INPP4B: variants seen among roughly 807,000 people sequenced by gnomAD.
INPP4B encodes the protein inositol polyphosphate 4-phosphatase type II.
A neutral mutation model predicts 122.5 loss-of-function variants in INPP4B; 55 were observed. The observed-to-expected ratio is 0.45, with a 90% CI of 0.36 to 0.56. The LOEUF (loss-of-function observed/expected upper bound fraction) is 0.56. Among genes scored for constraint, INPP4B ranks in the 20% least tolerant of loss-of-function variants. The pLI, the probability that INPP4B is intolerant of heterozygous loss-of-function variation, is 0.00. For synonymous variants in INPP4B, 403 were observed against 388.7 expected (o/e 1.04, Z -0.43); for missense variants, 1,000 against 1,097.7 (o/e 0.91, Z 1.26).
chr4:142,108,722 T>C (rs1788468386), intron 22 of INPP4B, among the ~76,000 whole-genome samples: 1 of 152,102 alleles, frequency 6.6e-6, no homozygotes, highest in African/African-American at 2.4e-5. Context: ...TTTTTTTCGT[T>C]CATACCATGA....
intron 14 of INPP4B, among the ~76,000 whole-genome samples, chr4:142,206,147 A>C (rs1189706297): frequency 2.0e-5 from 3 of 152,144 alleles, no homozygotes; most frequent in South Asian, 2.1e-4. Flanking sequence ...AGAGCTAAAG[A>C]GGGTAAACTT....
intron 2 of INPP4B, among the ~76,000 whole-genome samples, chr4:142,527,387 AT>A (rs1337029885): frequency 3.9e-5 from 6 of 152,074 alleles, no homozygotes; most frequent in African/African-American, 1.2e-4. Context: ...CCAAAAACAT[AT>A]TTACAATATA....
intron 2 of INPP4B, among the ~76,000 whole-genome samples, chr4:142,476,696 CA>C (rs1819828361): frequency 1.3e-5 from 2 of 152,008 alleles, no homozygotes; most frequent in South Asian, 4.1e-4. Flanking sequence ...AAACAGTGAT[CA>C]AAAATGACAA....
chr4:142,359,016 G>A (rs763499310), intron 7 of INPP4B, among the ~76,000 whole-genome samples: 26 of 151,880 alleles, frequency 1.7e-4, no homozygotes, highest in Non-Finnish European at 3.2e-4. Flanking sequence ...TGCAATACTG[G>A]GTCTGGCTGC....
intron 14 of INPP4B, among the ~76,000 whole-genome samples, chr4:142,204,319 A>T (rs1312680032): frequency 6.6e-6 from 1 of 152,076 alleles, no homozygotes; most frequent in Non-Finnish European, 1.5e-5. Flanking sequence ...ACAATTCAGT[A>T]CTTTTCCCAT....
intron 1 of INPP4B, among the ~76,000 whole-genome samples, chr4:142,755,214 C>G (rs1279790314): frequency 6.6e-6 from 1 of 152,000 alleles, no homozygotes; most frequent in African/African-American, 2.4e-5. Context: ...CTAGAGTTTT[C>G]TTTCTGAAGG....
chr4:142,729,666 C>T (rs1297602455), intron 1 of INPP4B, among the ~76,000 whole-genome samples: 1 of 152,166 alleles, frequency 6.6e-6, no homozygotes, highest in African/African-American at 2.4e-5. Flanking sequence ...TCCTCACCTC[C>T]AATCACTGGA....
chr4:142,356,889 C>T (rs931421), intron 7 of INPP4B, among the ~76,000 whole-genome samples: 16,785 of 151,818 alleles, frequency 0.11, 992 homozygotes, highest in East Asian at 0.18. Flanking sequence ...AGGGATTACA[C>T]ATTGAGTTAA....
At chr4:142,215,754 G>A (rs1846855406) in intron 12 of INPP4B, among the ~76,000 whole-genome samples, 1 of 151,722 alleles carries the variant, frequency 6.6e-6, no homozygotes, top group Non-Finnish European at 1.5e-5. Context: ...TTAGCCAGGT[G>A]TGGTGGTGGG....
At chr4:142,716,211 C>A (rs953815879) in intron 2 of INPP4B, among the ~76,000 whole-genome samples, 4 of 152,210 alleles carry the variant, frequency 2.6e-5, no homozygotes, top group South Asian at 2.1e-4. Flanking sequence ...AGACTGGAGA[C>A]ATTGCTGTGG....
chr4:142,385,272 T>C (rs1291514078), intron 7 of INPP4B, among the ~76,000 whole-genome samples: 1 of 152,160 alleles, frequency 6.6e-6, no homozygotes, highest in Non-Finnish European at 1.5e-5. Context: ...CCAGCATCTG[T>C]TGTTTTTGAC....
intron 2 of INPP4B, among the ~76,000 whole-genome samples, chr4:142,512,638 GCTGT>G (rs1450798043): frequency 6.6e-6 from 1 of 151,894 alleles, no homozygotes; most frequent in Admixed American, 6.6e-5. Flanking sequence ...TCCTTTCTTT[GCTGT>G]CTTTTATTAT....
chr4:142,096,690 C>T (rs1781966530), intron 23 of INPP4B, among the ~76,000 whole-genome samples: 1 of 152,050 alleles, frequency 6.6e-6, no homozygotes, highest in Non-Finnish European at 1.5e-5. Context: ...AAGATTAGTG[C>T]ATCAGAGTTT....
At chr4:142,175,032 G>A (rs1459957285) in intron 15 of INPP4B, among the ~76,000 whole-genome samples, 1 of 152,054 alleles carries the variant, frequency 6.6e-6, no homozygotes, top group Non-Finnish European at 1.5e-5. Context: ...ATTCCAGCAG[G>A]AAAGCTGCAA....
At chr4:142,593,606 CT>C (rs909637469) in intron 2 of INPP4B, among the ~76,000 whole-genome samples, 36 of 152,152 alleles carry the variant, frequency 2.4e-4, no homozygotes, top group Admixed American at 2.4e-3. Context: ...AATCACCACC[CT>C]GTAGCCTGGT....
chr4:142,450,127 C>T (rs1275614336), intron 3 of INPP4B, among the ~76,000 whole-genome samples: 4 of 152,214 alleles, frequency 2.6e-5, no homozygotes, highest in Non-Finnish European at 1.5e-5. Flanking sequence ...CCAGCTCTCA[C>T]TCCCTTTCAT....
rs35063723 is a variant in INPP4B, at chr4:142,206,355, C to CT, written c.1072+2069dup. 5.8e-3 allele frequency among the ~76,000 whole-genome samples: 749 copies of CT among 130,006 alleles called. 3 individuals are homozygous for CT. The highest frequency in any genetic ancestry group is 0.018 in the African/African-American group (619 of 34,200). 85.3% of individuals were successfully genotyped at this position (130,006 alleles called of 152,430 possible). On this transcript the variant is annotated intron_variant, in intron 14 of 25. Coordinates refer to ENST00000262992, the MANE Select transcript of INPP4B (RefSeq NM_001101669.3). ...TGGGCCCATCCATCTCTCTCTCTCT[C>CT]TTTTTTTTTTTTTTTTCAGTTCTTT...
chr4:142,720,791 C>CTATA (rs1479748410), intron 2 of INPP4B, among the ~76,000 whole-genome samples: 5 of 39,540 alleles, frequency 1.3e-4, no homozygotes, highest in Non-Finnish European at 2.1e-4. Context: ...CTCTCTCTCT[C>CTATA]TCTCTCTCTC....
At chr4:142,716,452 CTTTTAAT>C (rs1261271557) in intron 2 of INPP4B, among the ~76,000 whole-genome samples, 1 of 151,972 alleles carries the variant, frequency 6.6e-6, no homozygotes, top group Admixed American at 6.6e-5. Context: ...CAATTTTTTT[CTTTTAAT>C]TTTTAACTGT....
Sources: gnomAD v4.1 joint callset for allele counts (sites outside exome capture counted in the v4.1 genomes callset) on GRCh38, gnomAD v4.1.1 for gene constraint, MANE v1.5 for transcripts, NCBI Gene and HGNC (gene_info 2026-07-23, HGNC 2026-07-21) for gene names.